MBD5: variants seen among roughly 807,000 people sequenced by gnomAD.
MBD5 encodes methyl-CpG-binding domain protein 5.
MBD5 carries 13 observed loss-of-function variants against 117.3 expected under a neutral mutation model. The ratio of observed to expected loss-of-function variants is 0.11; its 90% confidence interval spans 0.07 to 0.18. The LOEUF (loss-of-function observed/expected upper bound fraction) is 0.18, where lower values mean the gene tolerates loss of function less well. MBD5 is among the 10% of genes least tolerant of loss of function. The probability of loss-of-function intolerance (pLI) is 1.00; values close to 1 mark genes in which losing one functional copy is unlikely to be tolerated. For synonymous variants in MBD5, 727 were observed against 766.4 expected (o/e 0.95, Z 0.85); for missense variants, 1,879 against 2,093.8 (o/e 0.90, Z 2.00).
chr2:148,261,278 G>T (rs1574209423), intron 3 of MBD5, among the ~76,000 whole-genome samples: 1 of 152,150 alleles, frequency 6.6e-6, no homozygotes, highest in East Asian at 1.9e-4. Flanking sequence ...TCCTCTAACT[G>T]TGAAAGTCCT....
intron 1 of MBD5, among the ~76,000 whole-genome samples, chr2:148,172,058 G>A (rs181732135): frequency 1.2e-4 from 19 of 152,318 alleles, no homozygotes; most frequent in African/African-American, 3.6e-4. Flanking sequence ...CCTGTAAGTC[G>A]CAGCTACTCA....
At chr2:148,347,641 G>A (rs910495099) in intron 4 of MBD5, 13 of 151,810 alleles carry the variant, frequency 8.6e-5, no homozygotes, top group African/African-American at 2.9e-4. Flanking sequence ...GGCACAGTAA[G>A]CGCAGTGCCT....
chr2:148,258,408 A>G (rs1700642898), intron 3 of MBD5, among the ~76,000 whole-genome samples: 1 of 152,166 alleles, frequency 6.6e-6, no homozygotes. Context: ...GTTCCCATAA[A>G]GAAGGCTGCA....
chr2:148,144,523 A>G (rs1697400439), intron 1 of MBD5, among the ~76,000 whole-genome samples: 1 of 152,192 alleles, frequency 6.6e-6, no homozygotes, highest in African/African-American at 2.4e-5. Flanking sequence ...GTCCTTGCCC[A>G]TGCCTATGTC....
chr2:148,279,194 G>A (rs1363188543), intron 3 of MBD5, among the ~76,000 whole-genome samples: 1 of 152,156 alleles, frequency 6.6e-6, no homozygotes, highest in African/African-American at 2.4e-5. Context: ...ACACTGGGAG[G>A]CAGGGTGGGA....
At chr2:148,384,065 C>T (rs1488485737) in intron 4 of MBD5, among the ~76,000 whole-genome samples, 2 of 148,932 alleles carry the variant, frequency 1.3e-5, no homozygotes, top group African/African-American at 2.5e-5. Context: ...CAGGGATGCC[C>T]TCTCTCACCA....
intron 8 of MBD5, among the ~76,000 whole-genome samples, chr2:148,474,190 A>G (rs1680884534): frequency 6.6e-6 from 1 of 152,194 alleles, no homozygotes; most frequent in South Asian, 2.1e-4. Flanking sequence ...GACTTAAGGA[A>G]GACTCCAAAA....
intron 1 of MBD5, among the ~76,000 whole-genome samples, chr2:148,095,604 C>T (rs1696049298): frequency 6.6e-6 from 1 of 152,084 alleles, no homozygotes; most frequent in South Asian, 2.1e-4. Flanking sequence ...TTAGATTTAA[C>T]ATTATAAAGT....
chr2:148,036,745 A>G (rs751504978), intron 1 of MBD5, among the ~76,000 whole-genome samples: 6 of 152,052 alleles, frequency 3.9e-5, no homozygotes, highest in Non-Finnish European at 8.8e-5. Flanking sequence ...AAGTGATTCC[A>G]AGTTTCAGGG....
intron 11 of MBD5, among the ~76,000 whole-genome samples, chr2:148,500,199 T>C (rs1681828638): frequency 6.6e-6 from 1 of 152,156 alleles, no homozygotes. Context: ...CAAGTTGTCA[T>C]CTAAATTTTG....
intron 1 of MBD5, among the ~76,000 whole-genome samples, chr2:148,062,804 G>GA (rs140292930): frequency 0.053 from 8,047 of 151,914 alleles, 245 homozygotes; most frequent in African/African-American, 0.079. Flanking sequence ...CTAAAAGTAA[G>GA]AAAAAAATCA....
At chr2:148,280,527 G>A (rs868728864) in intron 3 of MBD5, among the ~76,000 whole-genome samples, 2 of 152,152 alleles carry the variant, frequency 1.3e-5, no homozygotes, top group South Asian at 4.1e-4. Context: ...GATCATGCAG[G>A]CTCAAGTCAT....
Position 148,047,056 on chromosome 2 carries a change from G to A in MBD5, c.-925+25372G>A, listed in dbSNP as rs192962876. On this transcript the variant is annotated intron_variant, in intron 1 of 13. Transcript: ENST00000642680. The stretch of plus-strand genomic sequence containing the variant: ...GTCTCCTTGGCTTTATTCACATGCT[G>A]TCTTTTGTACAGTGCCTCTTGCCTT... 1.6e-4 allele frequency among the ~76,000 whole-genome samples: 25 copies of A among 152,188 alleles called. 1 individual carries two copies. The South Asian group carries it at 5.0e-3, about 30-fold the overall frequency.
intron 4 of MBD5, among the ~76,000 whole-genome samples, chr2:148,385,155 C>T (rs6730640): frequency 0.74 from 112,529 of 151,492 alleles, 42,539 homozygotes; most frequent in African/African-American, 0.89. Flanking sequence ...GCAAAAGAAA[C>T]TACCATCAGA....
Position 148,513,057 on chromosome 2 carries a change from A to G in MBD5, c.*116A>G. The G allele has an allele frequency of 9.6e-7, 1 of 1,041,428 alleles. No homozygotes were observed. Among genetic ancestry groups the G allele is most frequent in the Non-Finnish European group, 1.5e-6 (1 of 678,752 alleles). 64.5% of individuals were successfully genotyped at this position (1,041,428 alleles called of 1,614,324 possible). On this transcript the variant is annotated 3_prime_UTR_variant, in exon 14 of 14. Coordinates refer to ENST00000642680, the MANE Select transcript of MBD5 (RefSeq NM_001378120.1). ...AATATTTAGACTATGGCAGATAGCT[A>G]CCACCACCACAGGGTGCTAAAAGAA...
At chr2:148,390,579 A>G (rs1480544049) in intron 4 of MBD5, among the ~76,000 whole-genome samples, 1 of 150,792 alleles carries the variant, frequency 6.6e-6, no homozygotes. Context: ...ATATATATAT[A>G]TATACATACT....
chr2:148,397,274 G>T (rs1254775995), intron 4 of MBD5, among the ~76,000 whole-genome samples: 1 of 150,190 alleles, frequency 6.7e-6, no homozygotes, highest in African/African-American at 2.4e-5. Context: ...TTATTCTCTA[G>T]CTAATACATG....
intron 4 of MBD5, among the ~76,000 whole-genome samples, chr2:148,425,750 G>C (rs1705759930): frequency 6.6e-6 from 1 of 152,190 alleles, no homozygotes; most frequent in Admixed American, 6.5e-5. Flanking sequence ...ATCAATAAAT[G>C]TAATCCATCA....
chr2:148,435,733 T>A (rs1415816320), intron 4 of MBD5, among the ~76,000 whole-genome samples: 1 of 152,198 alleles, frequency 6.6e-6, no homozygotes, highest in African/African-American at 2.4e-5. Context: ...AATGGTCTTC[T>A]TGTGTAATAT....
Sources: gnomAD v4.1 joint callset for allele counts (sites outside exome capture counted in the v4.1 genomes callset) on GRCh38, gnomAD v4.1.1 for gene constraint, MANE v1.5 for transcripts, NCBI Gene and HGNC (gene_info 2026-07-23, HGNC 2026-07-21) for gene names.